The following LRTM1 variants were observed in gnomAD, a reference collection of about 807,000 sequenced individuals.
The protein encoded by LRTM1 is leucine rich repeat transmembrane protein 1, also known as leucine-rich repeat and transmembrane domain-containing protein 1.
LRTM1 carries 38 observed loss-of-function variants against 32.4 expected under a neutral mutation model. That is an observed-to-expected ratio of 1.17 (90% CI 0.91 to 1.54). LRTM1 has a LOEUF of 1.54. Among genes scored for constraint, LRTM1 ranks in the 40% most tolerant of loss-of-function variants. The pLI, the probability that LRTM1 is intolerant of heterozygous loss-of-function variation, is 0.00. For missense variants in LRTM1, 466 were observed against 415.4 expected (o/e 1.12, Z -1.06); for synonymous variants, 186 against 169.9 (o/e 1.09, Z -0.74).
At chr3:54,927,494 AAATT>A (rs1701056244) in intron 1 of LRTM1, among the ~76,000 whole-genome samples, 1 of 152,234 alleles carries the variant, frequency 6.6e-6, no homozygotes, top group Admixed American at 6.5e-5. Context: ...TAGTTGCAGG[AAATT>A]AATTCTTAAA....
intron 1 of LRTM1, among the ~76,000 whole-genome samples, chr3:54,941,518 C>G (rs964977863): frequency 6.6e-6 from 1 of 152,062 alleles, no homozygotes; most frequent in African/African-American, 2.4e-5. Flanking sequence ...TTTATAATGC[C>G]GGGATTATGT....
intron 1 of LRTM1, among the ~76,000 whole-genome samples, chr3:54,939,708 C>T (rs1180782616): frequency 6.6e-6 from 1 of 152,200 alleles, no homozygotes; most frequent in Non-Finnish European, 1.5e-5. Flanking sequence ...CAGAAGCCGC[C>T]CCTGCAGGCC....
chr3:54,919,086 A>G (rs1460469036), intron 2 of LRTM1, among the ~76,000 whole-genome samples, 194 bp from the exon 3 acceptor site: 1 of 152,160 alleles, frequency 6.6e-6, no homozygotes, highest in Non-Finnish European at 1.5e-5. Context: ...TAAAAATGCC[A>G]CACACTAAAT....
At chr3:54,937,677 T>C (rs113652193) in intron 1 of LRTM1, among the ~76,000 whole-genome samples, 7 of 152,096 alleles carry the variant, frequency 4.6e-5, no homozygotes, top group Non-Finnish European at 7.4e-5. Flanking sequence ...ATGGATGTTA[T>C]AGCCAGGCTG....
intron 1 of LRTM1, among the ~76,000 whole-genome samples, chr3:54,955,052 A>G (rs942550614): frequency 8.5e-5 from 13 of 152,332 alleles, no homozygotes; most frequent in Middle Eastern, 3.4e-3. Context: ...CTGAAAATCA[A>G]CTGACAAAAG....
At chr3:54,956,732 A>G (rs1044391851) in intron 1 of LRTM1, among the ~76,000 whole-genome samples, 7 of 152,210 alleles carry the variant, frequency 4.6e-5, no homozygotes, top group African/African-American at 1.7e-4. Context: ...AGTCATCATT[A>G]CCTAGGGGAA....
Position 54,951,831 on chromosome 3 carries a change from T to G in LRTM1, c.-222+15097A>C, listed in dbSNP as rs554926763. On this transcript the variant is annotated intron_variant, in intron 1 of 2. Coordinates refer to the LRTM1 transcript ENST00000493075. The stretch of plus-strand genomic sequence containing the variant: ...TCAGTAATTCTATTTTCTGTCTTCT[T>G]AGGACCAGCCATGCTTGTTATTTTA... Among the ~76,000 whole-genome samples the G allele has an allele frequency of 2.0e-5, 3 of 152,290 alleles. No individual in the cohort carries two copies. The South Asian group carries it at 6.2e-4, about 32-fold the overall frequency.
chr3:54,960,122 C>CA (rs749650198), intron 1 of LRTM1, among the ~76,000 whole-genome samples: 3 of 150,990 alleles, frequency 2.0e-5, no homozygotes, highest in Non-Finnish European at 4.4e-5. Flanking sequence ...AATGTGTGGC[C>CA]AAATGGATCA....
intron 1 of LRTM1, among the ~76,000 whole-genome samples, chr3:54,940,466 T>C (rs1701437682): frequency 6.6e-6 from 1 of 152,152 alleles, no homozygotes; most frequent in Non-Finnish European, 1.5e-5. Flanking sequence ...CCACCAACAT[T>C]TCAGACACAG....
chr3:54,929,350 G>A (rs1006615510), upstream of LRTM1, among the ~76,000 whole-genome samples: 1 of 152,182 alleles, frequency 6.6e-6, no homozygotes, highest in African/African-American at 2.4e-5. Flanking sequence ...CAACTTCTGA[G>A]GACAACCTGG....
At chr3:54,957,021 A>T (rs1701914851) in intron 1 of LRTM1, among the ~76,000 whole-genome samples, 1 of 152,220 alleles carries the variant, frequency 6.6e-6, no homozygotes, top group Admixed American at 6.5e-5. Context: ...GGATGTTATT[A>T]GGATTAGCAA....
At position 54,918,409 on chromosome 3, in the gene LRTM1, G is replaced by A; in HGVS notation, c.*50C>T. 1 of 1,431,642 alleles carries A rather than the reference G, an allele frequency of 7.0e-7. No homozygotes were observed. Among genetic ancestry groups the A allele is most frequent in the Admixed American group, 2.0e-5 (1 of 51,182 alleles). 88.7% of individuals were successfully genotyped at this position (1,431,642 alleles called of 1,614,324 possible). A position where few individuals can be genotyped will look rare whatever the true frequency, so the allele number is the denominator to read the frequency against. On this transcript the variant is annotated 3_prime_UTR_variant, in exon 3 of 3. Transcript: ENST00000273286. The stretch of plus-strand genomic sequence containing the variant: ...ACAGGAAACACATCAGCCCTACTCA[G>A]ACACTATCTTCTGGCCTGCAATGAC...
At chr3:54,924,580 T>C (rs769845456) in intron 2 of LRTM1, 39 bp downstream of exon 2, 1 of 1,486,638 alleles carries the variant, frequency 6.7e-7, no homozygotes, top group South Asian at 1.2e-5. Flanking sequence ...CCTAGGCTGG[T>C]AACACACAGA....
At chr3:54,933,078 TTCCTTC>T (rs1701240026) in intron 1 of LRTM1, among the ~76,000 whole-genome samples, 2 of 138,508 alleles carry the variant, frequency 1.4e-5, no homozygotes, top group Non-Finnish European at 3.0e-5. Context: ...CCTTCCTTCC[TTCCTTC>T]CTTCCTTCCT....
chr3:54,924,882 T>C lies in LRTM1; in HGVS notation c.341A>G (p.Glu114Gly). The change falls in exon 2 of 3, where the codon GAA becomes GGA. Residue 114 changes from glutamate (E) to glycine (G), a missense_variant. Physicochemically the swap from Glu to Gly is moderately conservative, Grantham distance 98 (BLOSUM62 -2). Coordinates refer to ENST00000273286, the MANE Select transcript of LRTM1 (RefSeq NM_020678.4). ...AGGGAGGGAATGGAAAAGTCTGCTTTCCAGGGAAAGGAGTGAATTCTGGGT... is the reference window on the plus strand; with the variant it reads ...AGGGAGGGAATGGAAAAGTCTGCTTCCCAGGGAAAGGAGTGAATTCTGGGT... ...NLTQNSLLSLESRLFHSLPQL... is the reference protein window; with the variant it reads ...NLTQNSLLSLGSRLFHSLPQL... 6.2e-7 allele frequency: 1 copy of C among 1,613,776 alleles called. No homozygotes were observed.
chr3:54,926,003 C>T (rs1701003518), intron 1 of LRTM1, among the ~76,000 whole-genome samples: 1 of 152,162 alleles, frequency 6.6e-6, no homozygotes, highest in South Asian at 2.1e-4. Flanking sequence ...GCAAGTCCTT[C>T]ATGGGTTATT....
chr3:54,956,002 T>C (rs1171844772), intron 1 of LRTM1, among the ~76,000 whole-genome samples: 1 of 152,144 alleles, frequency 6.6e-6, no homozygotes, highest in African/African-American at 2.4e-5. Flanking sequence ...TTCCAGGAAA[T>C]GAGAGGGAAA....
intron 1 of LRTM1, among the ~76,000 whole-genome samples, chr3:54,941,217 C>G (rs1701458549): frequency 6.6e-6 from 1 of 152,138 alleles, no homozygotes; most frequent in South Asian, 2.1e-4. Context: ...ACAGGCAAAG[C>G]CTTGTCCAAA....
At chr3:54,965,843 G>C (rs1299768588) in intron 1 of LRTM1, among the ~76,000 whole-genome samples, 1 of 152,138 alleles carries the variant, frequency 6.6e-6, no homozygotes, top group Non-Finnish European at 1.5e-5. Flanking sequence ...ACCTCATGGT[G>C]CAGGCAGGGG....
Sources: gnomAD v4.1 joint callset for allele counts (sites outside exome capture counted in the v4.1 genomes callset) on GRCh38, gnomAD v4.1.1 for gene constraint, MANE v1.5 for transcripts, NCBI Gene and HGNC (gene_info 2026-07-23, HGNC 2026-07-21) for gene names.